The following GRIA1 variants were observed in gnomAD, a reference collection of about 807,000 sequenced individuals.
GRIA1 encodes the protein glutamate receptor 1.
A neutral mutation model predicts 99.2 loss-of-function variants in GRIA1; 31 were observed. The ratio of observed to expected loss-of-function variants is 0.31; its 90% CI spans 0.23 to 0.42. The LOEUF is 0.42. GRIA1 is among the 10% of genes least tolerant of loss of function. The pLI is 1.00. For synonymous variants in GRIA1, 438 were observed against 432.4 expected (o/e 1.01, Z -0.16); for missense variants, 782 against 1,157.5 (o/e 0.68, Z 4.71).
Position 153,582,505 on chromosome 5 carries a change from G to C in GRIA1, c.221-64423G>C, listed in dbSNP as rs939788445. Among the ~76,000 whole-genome samples the C allele has an allele frequency of 5.3e-5, 8 of 152,286 alleles. 1 individual carries two copies. The highest frequency in any genetic ancestry group is 3.3e-4 in the Admixed American group (5 of 15,296). ...TGTGGAGCGAGCCTAAAAGAGGATA[G>C]ATGTCTCAGCACCACCTTGAAGACC... On this transcript the variant is annotated intron_variant, in intron 2 of 15. Coordinates refer to ENST00000285900, the MANE Select transcript of GRIA1 (RefSeq NM_000827.4).
chr5:153,787,776 C>T (rs368763814), intron 13 of GRIA1, among the ~76,000 whole-genome samples: 5 of 152,118 alleles, frequency 3.3e-5, no homozygotes, highest in African/African-American at 9.7e-5. Context: ...TTCGCCTCTT[C>T]CCACAAAACT....
At chr5:153,678,342 A>ATTC (rs1756739022) in intron 7 of GRIA1, among the ~76,000 whole-genome samples, 1 of 152,216 alleles carries the variant, frequency 6.6e-6, no homozygotes, top group Non-Finnish European at 1.5e-5. Flanking sequence ...CTCAGCCCTG[A>ATTC]TGAGTGCCTT....
intron 11 of GRIA1, among the ~76,000 whole-genome samples, chr5:153,731,311 T>A (rs1761004761): frequency 6.6e-6 from 1 of 151,792 alleles, no homozygotes; most frequent in African/African-American, 2.4e-5. Context: ...TCCTGGGCCC[T>A]TTTTGAGTTT....
chr5:153,510,320 T>A (rs1382545112), intron 2 of GRIA1, among the ~76,000 whole-genome samples: 1 of 151,290 alleles, frequency 6.6e-6, no homozygotes, highest in African/African-American at 2.4e-5. Flanking sequence ...AGAACCTGAC[T>A]TTTTTTTTGG....
chr5:153,593,781 G>T (rs1184164344), intron 2 of GRIA1, among the ~76,000 whole-genome samples: 2 of 152,112 alleles, frequency 1.3e-5, no homozygotes, highest in Admixed American at 6.6e-5. Flanking sequence ...CTGCAGGAGA[G>T]CTATCTTCCT....
At chr5:153,734,712 A>G (rs779563688) in intron 11 of GRIA1, among the ~76,000 whole-genome samples, 2 of 152,204 alleles carry the variant, frequency 1.3e-5, no homozygotes, top group Non-Finnish European at 2.9e-5. Flanking sequence ...AGATCAGGGG[A>G]TAGGCCAGGG....
chr5:153,718,018 T>G (rs1198199726), intron 11 of GRIA1, among the ~76,000 whole-genome samples: 1 of 152,202 alleles, frequency 6.6e-6, no homozygotes, highest in Non-Finnish European at 1.5e-5. Context: ...TGGTTCTGGC[T>G]ATTGCAGACA....
At chr5:153,756,699 T>C (rs1372705655) in intron 11 of GRIA1, among the ~76,000 whole-genome samples, 1 of 152,048 alleles carries the variant, frequency 6.6e-6, no homozygotes, top group African/African-American at 2.4e-5. Flanking sequence ...CCTCTAAGCC[T>C]TCACAAGACT....
At position 153,813,274 on chromosome 5, in the gene GRIA1, T is replaced by C. The variant is rs2149686286; in HGVS notation, c.*2049T>C. 6.6e-6 allele frequency: 1 copy of C among 152,350 alleles called. No homozygotes were observed. The highest frequency in any genetic ancestry group is 2.1e-4 in the South Asian group (1 of 4,828). The allele number at this position is 152,350 out of a possible 1,614,324, so 9.4% of individuals were successfully genotyped here. On this transcript the variant is annotated 3_prime_UTR_variant, in exon 16 of 16. Coordinates refer to ENST00000285900, the MANE Select transcript of GRIA1 (RefSeq NM_000827.4). Reference sequence around the variant, plus strand: ...TTTTTCTCAGCCTTCAGCCTACCACTGCAGAATCCGATGTGACCCACCATT... The same window carrying C: ...TTTTTCTCAGCCTTCAGCCTACCACCGCAGAATCCGATGTGACCCACCATT...
intron 2 of GRIA1, among the ~76,000 whole-genome samples, chr5:153,534,575 G>T (rs975789031): frequency 6.6e-6 from 1 of 152,176 alleles, no homozygotes; most frequent in Non-Finnish European, 1.5e-5. Flanking sequence ...AATGTAACTG[G>T]TAAATTTACA....
intron 5 of GRIA1, among the ~76,000 whole-genome samples, chr5:153,664,461 C>T (rs766162456): frequency 6.6e-6 from 1 of 151,806 alleles, no homozygotes; most frequent in Non-Finnish European, 1.5e-5. Context: ...AACCTCAATA[C>T]ATGCATATTT....
chr5:153,613,334 C>A (rs546930832), intron 2 of GRIA1, among the ~76,000 whole-genome samples: 1 of 152,272 alleles, frequency 6.6e-6, no homozygotes, highest in South Asian at 2.1e-4. Flanking sequence ...ATTGATGCAG[C>A]ATTTTTTCCC....
intron 2 of GRIA1, among the ~76,000 whole-genome samples, chr5:153,540,590 C>A (rs377529411): frequency 3.9e-5 from 6 of 152,182 alleles, no homozygotes; most frequent in African/African-American, 1.4e-4. Context: ...GACAACCACT[C>A]TGGGCCAGAC....
chr5:153,731,462 C>G (rs1299574885), intron 11 of GRIA1, among the ~76,000 whole-genome samples: 2 of 152,040 alleles, frequency 1.3e-5, no homozygotes, highest in Non-Finnish European at 2.9e-5. Context: ...CAGCCTGTAG[C>G]TCCTGCCTTC....
rs182448655 is a variant in GRIA1 at position 153,724,081 on chromosome 5, G to A, written c.1823+18014G>A. ...GGAACGATCAGACAGCAGCATTTGCGGTTCACGAAAATCCGCGGTTCTGCA... is the reference window on the plus strand; with the variant it reads ...GGAACGATCAGACAGCAGCATTTGCAGTTCACGAAAATCCGCGGTTCTGCA... On this transcript the variant is annotated intron_variant, in intron 11 of 15. Transcript: ENST00000285900. Among the ~76,000 whole-genome samples the A allele has an allele frequency of 2.3e-3, 349 of 152,284 alleles. 2 individuals carry two copies. Among genetic ancestry groups the A allele is most frequent in the African/African-American group, 7.1e-3 (293 of 41,558 alleles).
At chr5:153,742,907 G>T (rs1761908673) in intron 11 of GRIA1, among the ~76,000 whole-genome samples, 1 of 152,206 alleles carries the variant, frequency 6.6e-6, no homozygotes, top group Admixed American at 6.5e-5. Context: ...TCTTTGCCTT[G>T]TAATGTCACA....
intron 2 of GRIA1, among the ~76,000 whole-genome samples, chr5:153,631,440 T>C (rs1284048695): frequency 6.6e-6 from 1 of 152,242 alleles, no homozygotes; most frequent in Admixed American, 6.5e-5. Context: ...GTTTTTATTA[T>C]ACTTGGACAA....
At chr5:153,681,631 A>G (rs990637157) in intron 7 of GRIA1, among the ~76,000 whole-genome samples, 2 of 152,134 alleles carry the variant, frequency 1.3e-5, no homozygotes, top group African/African-American at 4.8e-5. Context: ...ATCTTGGACT[A>G]ATTGCTTGCC....
At chr5:153,716,552 C>G (rs539689619) in intron 11 of GRIA1, among the ~76,000 whole-genome samples, 4 of 152,038 alleles carry the variant, frequency 2.6e-5, no homozygotes, top group Non-Finnish European at 4.4e-5. Context: ...GGAGCAGAGG[C>G]GAGCACCCAG....
Sources: gnomAD v4.1 joint callset for allele counts (sites outside exome capture counted in the v4.1 genomes callset) on GRCh38, gnomAD v4.1.1 for gene constraint, MANE v1.5 for transcripts, NCBI Gene and HGNC (gene_info 2026-07-23, HGNC 2026-07-21) for gene names.